The following ITPR2 variants were observed in gnomAD, a reference collection of about 807,000 sequenced individuals.
ITPR2 encodes the protein inositol 1,4,5-trisphosphate receptor type 2, also known as inositol 1,4,5-trisphosphate-gated calcium channel ITPR2.
A neutral mutation model predicts 317.1 loss-of-function variants in ITPR2; 207 were observed. That is an observed-to-expected ratio of 0.65 (90% CI 0.58 to 0.73). The LOEUF is 0.73. Ranked by LOEUF, ITPR2 falls within the 30% of genes least tolerant of loss-of-function variation. ITPR2 has a pLI of 0.00. For synonymous variants in ITPR2, 1,156 were observed against 1,149.1 expected, an observed-to-expected ratio of 1.01 and a Z score of -0.12; for missense variants, 2,613 against 3,284.0, an observed-to-expected ratio of 0.80 and a Z score of 4.99.
chr12:26,731,862 T>A (rs1237239990), intron 2 of ITPR2, among the ~76,000 whole-genome samples: 1 of 152,222 alleles, frequency 6.6e-6, no homozygotes, highest in Non-Finnish European at 1.5e-5. Flanking sequence ...GGGAGAGGAA[T>A]GCATTCATTA....
Position 26,682,589 on chromosome 12 carries a change from C to A in ITPR2, c.1233G>T (p.Arg411Ser). The change falls in exon 12 of 57, where the codon AGG becomes AGT. Residue 411 changes from arginine to serine, a missense_variant. By Grantham distance (110) the Arg-to-Ser change is moderately radical (BLOSUM62 -1). This residue lies in a region of ITPR2 where 515 missense variants were observed against 789.4 expected (regional missense o/e 0.65). Coordinates refer to ENST00000381340, the MANE Select transcript of ITPR2 (RefSeq NM_002223.4). ...TGACATTTACCTTTAACATAACAGG[C>A]CTCTCTTCATCTGTGTCTATGGGGA... ...TSIPIDTDEERPVMLKIGTCQ... is the reference protein window; with the variant it reads ...TSIPIDTDEESPVMLKIGTCQ... 6.2e-7 allele frequency: 1 copy of A among 1,606,972 alleles called. No homozygotes were observed. The highest frequency in any genetic ancestry group is 8.5e-7 in the Non-Finnish European group (1 of 1,174,950).
chr12:26,743,956 A>T lies in ITPR2; in HGVS notation c.164-18191T>A, dbSNP rs1949276728. On this transcript the variant is annotated intron_variant, in intron 2 of 56. Coordinates refer to ENST00000381340, the MANE Select transcript of ITPR2 (RefSeq NM_002223.4). ...TGACACCTCTATAGGTTCTACCTTT[A>T]AAATAGATCTAGCAACCGATTTCTT... Among the ~76,000 whole-genome samples the T allele has an allele frequency of 2.0e-5, 3 of 152,228 alleles. 1 individual carries two copies. In the South Asian group the frequency reaches 6.2e-4, roughly 31 times the overall value.
At chr12:26,475,083 G>A (rs1333150503) in intron 45 of ITPR2, among the ~76,000 whole-genome samples, 1 of 152,090 alleles carries the variant, frequency 6.6e-6, no homozygotes, top group Non-Finnish European at 1.5e-5. Context: ...GTAGTTTTGG[G>A]TACCAAGCAC....
intron 34 of ITPR2, 66 bp downstream of exon 34, chr12:26,578,647 C>G: frequency 6.9e-7 from 1 of 1,439,392 alleles, no homozygotes; most frequent in Non-Finnish European, 9.6e-7. Context: ...CTTGTGTTGC[C>G]CATTAGCCAA....
chr12:26,400,041 G>A, intron 53 of ITPR2, 87 bp downstream of exon 53: 3 of 1,391,310 alleles, frequency 2.2e-6, no homozygotes, highest in Non-Finnish European at 1.9e-6. Context: ...ATATTTTCCT[G>A]AAAACCAAAA....
chr12:26,363,622 T>C (rs1218029399), intron 55 of ITPR2, among the ~76,000 whole-genome samples: 2 of 152,202 alleles, frequency 1.3e-5, no homozygotes, highest in Non-Finnish European at 2.9e-5. Flanking sequence ...AATGCACTGA[T>C]ACCATTTTCG....
intron 45 of ITPR2, among the ~76,000 whole-genome samples, chr12:26,473,509 AAAC>A (rs1942342017): frequency 6.6e-6 from 1 of 152,144 alleles, no homozygotes; most frequent in African/African-American, 2.4e-5. Flanking sequence ...GCAGTCAAGA[AAAC>A]AGAAGTGGTT....
intron 13 of ITPR2, among the ~76,000 whole-genome samples, chr12:26,671,855 A>G (rs572798947): frequency 2.0e-5 from 3 of 152,180 alleles, no homozygotes; most frequent in Admixed American, 1.3e-4. Flanking sequence ...ATGGAGGAAG[A>G]TCTACCAAGC....
intron 18 of ITPR2, 67 bp from the exon 19 acceptor site, chr12:26,656,615 A>G: frequency 6.6e-7 from 1 of 1,514,028 alleles, no homozygotes; most frequent in Non-Finnish European, 9.1e-7. Context: ...TCATAGTACC[A>G]ATCAGTATCT....
chr12:26,798,123 C>T (rs905595010), intron 1 of ITPR2, among the ~76,000 whole-genome samples: 1 of 152,106 alleles, frequency 6.6e-6, no homozygotes, highest in African/African-American at 2.4e-5. Context: ...CCTAAACTGT[C>T]CCTCCACCCC....
intron 2 of ITPR2, among the ~76,000 whole-genome samples, chr12:26,763,305 A>C (rs566173137): frequency 8.1e-4 from 123 of 151,934 alleles, no homozygotes; most frequent in African/African-American, 2.7e-3. Flanking sequence ...CTACCAGTTC[A>C]ATAAATAAAT....
chr12:26,579,711 A>G (rs913795287), intron 33 of ITPR2, among the ~76,000 whole-genome samples: 2 of 152,148 alleles, frequency 1.3e-5, no homozygotes, highest in African/African-American at 2.4e-5. Context: ...ATAAGTTACT[A>G]AAGTAAAACT....
chr12:26,486,551 T>A (rs992792464), intron 40 of ITPR2, among the ~76,000 whole-genome samples, 191 bp from the exon 41 acceptor site: 25 of 152,262 alleles, frequency 1.6e-4, no homozygotes, highest in African/African-American at 5.8e-4. Context: ...ATAAAAAAGA[T>A]CTCAATGCTT....
chr12:26,787,230 A>G (rs571308456), intron 2 of ITPR2, among the ~76,000 whole-genome samples: 83 of 152,350 alleles, frequency 5.4e-4, no homozygotes, highest in African/African-American at 2.0e-3. Context: ...GCTTTAAGAT[A>G]AGACAGAACC....
intron 52 of ITPR2, among the ~76,000 whole-genome samples, chr12:26,404,276 G>A (rs748327289): frequency 2.6e-5 from 4 of 152,116 alleles, no homozygotes; most frequent in African/African-American, 4.8e-5. Context: ...GAAAAGGATC[G>A]TCCCATTAGA....
At chr12:26,548,491 T>G (rs1944442889) in intron 37 of ITPR2, among the ~76,000 whole-genome samples, 1 of 152,178 alleles carries the variant, frequency 6.6e-6, no homozygotes, top group African/African-American at 2.4e-5. Flanking sequence ...AGGAATTGTA[T>G]CCATTCATGG....
At chr12:26,813,755 C>T (rs927497117) in intron 1 of ITPR2, among the ~76,000 whole-genome samples, 3 of 152,080 alleles carry the variant, frequency 2.0e-5, no homozygotes, top group African/African-American at 7.2e-5. Context: ...AGGAAGTGTA[C>T]GCCACCTGAA....
chr12:26,411,233 G>T (rs1239045075), intron 52 of ITPR2, 87 bp downstream of exon 52: 4 of 827,448 alleles, frequency 4.8e-6, no homozygotes, highest in Non-Finnish European at 8.0e-6. Context: ...GAAATTTGTA[G>T]AGCAATTCCC....
intron 1 of ITPR2, among the ~76,000 whole-genome samples, chr12:26,829,089 G>A (rs929761302): frequency 2.0e-5 from 3 of 152,136 alleles, no homozygotes; most frequent in Non-Finnish European, 2.9e-5. Context: ...TTTCAATGAC[G>A]TGCCAGATGC....
Sources: gnomAD v4.1 joint callset for allele counts (sites outside exome capture counted in the v4.1 genomes callset) on GRCh38, gnomAD v4.1.1 for gene constraint, gnomAD v4.1.1 regional missense constraint, MANE v1.5 for transcripts, NCBI Gene and HGNC (gene_info 2026-07-23, HGNC 2026-07-21) for gene names.